Variants in RFX6 observed in about 807,000 individuals in gnomAD.
The protein encoded by RFX6 is DNA-binding protein RFX6.
In RFX6, 50 loss-of-function variants were observed where a neutral mutation model predicts 110.8. The ratio of observed to expected loss-of-function variants is 0.45; its 90% CI spans 0.36 to 0.57. The LOEUF (loss-of-function observed/expected upper bound fraction) is 0.57. Among genes scored for constraint, RFX6 ranks in the 20% least tolerant of loss-of-function variants. The pLI, the probability that RFX6 is intolerant of heterozygous loss-of-function variation, is 0.00. For synonymous variants in RFX6, 383 were observed against 411.2 expected (o/e 0.93, Z 0.83); for missense variants, 990 against 1,127.0 (o/e 0.88, Z 1.74).
Position 116,925,625 on chromosome 6 carries a change from C to G in RFX6, c.1851C>G (p.Phe617Leu). ...PGGLGPALHQ[F>L]PAGNTDNMPL... ...GCCTAGGCCCTGCTCTGCACCAGTTCCCTGCTGGGAACACAGACAACATGC... is the reference window on the plus strand; with the variant it reads ...GCCTAGGCCCTGCTCTGCACCAGTTGCCTGCTGGGAACACAGACAACATGC... Residue 617 changes from phenylalanine to leucine, a missense_variant, in exon 16 of 19, where the codon TTC (phenylalanine) becomes TTG (leucine). Around this residue, in one of 5 missense-constraint regions of RFX6, gnomAD observed 438 missense variants for 441.9 expected, o/e 0.99. Coordinates refer to ENST00000332958, the MANE Select transcript of RFX6 (RefSeq NM_173560.4). 6.2e-7 allele frequency: 1 copy of G among 1,613,888 alleles called. No homozygotes were observed. The highest frequency in any genetic ancestry group is 8.5e-7 in the Non-Finnish European group (1 of 1,179,822).
intron 7 of RFX6, among the ~76,000 whole-genome samples, chr6:116,913,670 T>G (rs905392314): frequency 6.6e-6 from 1 of 152,236 alleles, no homozygotes; most frequent in East Asian, 1.9e-4. Flanking sequence ...TTATGCTAAT[T>G]GTGAGTTTTA....
intron 17 of RFX6, 50 bp downstream of exon 17, chr6:116,927,589 C>CA (rs765426083): frequency 6.9e-7 from 1 of 1,457,306 alleles, no homozygotes; most frequent in Non-Finnish European, 9.5e-7. Context: ...GGCAATGAGG[C>CA]AAAATCAGAC....
chr6:116,900,002 T>C (rs2114677907), intron 6 of RFX6, among the ~76,000 whole-genome samples: 1 of 152,200 alleles, frequency 6.6e-6, no homozygotes, highest in South Asian at 2.1e-4. Context: ...TGATTCACAG[T>C]AGAAAGAAAA....
At chr6:116,917,023 G>A (rs141566428) in intron 9 of RFX6, among the ~76,000 whole-genome samples, 14 of 152,160 alleles carry the variant, frequency 9.2e-5, no homozygotes, top group African/African-American at 2.9e-4. Context: ...AATAATCTGA[G>A]TTGGCAAGAA....
At chr6:116,909,051 T>G (rs1465443179) in intron 6 of RFX6, among the ~76,000 whole-genome samples, 1 of 152,182 alleles carries the variant, frequency 6.6e-6, no homozygotes, top group Non-Finnish European at 1.5e-5. Flanking sequence ...GTCTGTTTCC[T>G]GAATGCTTGA....
intron 4 of RFX6, among the ~76,000 whole-genome samples, chr6:116,890,874 T>C (rs542134515): frequency 1.3e-4 from 20 of 152,320 alleles, no homozygotes; most frequent in South Asian, 1.0e-3. Flanking sequence ...TCTGTCCTAA[T>C]GACTGGGGAC....
In RFX6 at chr6:116,894,107, T is replaced by A. The variant is rs777711667; in HGVS notation, c.644+43T>A. 4 of 993,928 alleles carry A rather than the reference T, an allele frequency of 4.0e-6. No homozygotes were observed. The African/African-American group carries it at 4.8e-5, about 12-fold the overall frequency. The allele number at this position is 993,928 out of a possible 1,614,324, so 61.6% of individuals were successfully genotyped here. ...TCAAGACAAATTCTCTGTGTTTCTTTAAATATGCATGATACCTATTGAATA... is the reference window on the plus strand; with the variant it reads ...TCAAGACAAATTCTCTGTGTTTCTTAAAATATGCATGATACCTATTGAATA... On this transcript the variant is annotated intron_variant, in intron 5 of 18. Coordinates refer to ENST00000332958, the MANE Select transcript of RFX6 (RefSeq NM_173560.4).
intron 4 of RFX6, among the ~76,000 whole-genome samples, chr6:116,891,592 C>A (rs1034298100): frequency 6.6e-6 from 1 of 152,088 alleles, no homozygotes; most frequent in Non-Finnish European, 1.5e-5. Flanking sequence ...TGATTTATTT[C>A]TTCTAATATG....
intron 7 of RFX6, among the ~76,000 whole-genome samples, chr6:116,913,633 G>A (rs1407608195): frequency 2.0e-5 from 3 of 152,188 alleles, no homozygotes; most frequent in South Asian, 2.1e-4. Flanking sequence ...CTAAGACTAT[G>A]TAAGTATTAA....
chr6:116,916,494 T>C lies in RFX6; in HGVS notation c.972+180T>C, dbSNP rs373468250. Among the ~76,000 whole-genome samples, 28 of 152,274 alleles carry C rather than the reference T, an allele frequency of 1.8e-4. No individual in the cohort carries two copies. The East Asian group carries it at 3.5e-3, about 19-fold the overall frequency. ...ACGTTTAATAGTGTATGTGTTTTAA[T>C]TGAAGTTTACATTAAGTAAAACAAA... On this transcript the variant is annotated intron_variant, in intron 9 of 18. Coordinates refer to ENST00000332958, the MANE Select transcript of RFX6 (RefSeq NM_173560.4).
At chr6:116,878,011 T>C in intron 2 of RFX6, 59 bp downstream of exon 2, 7 of 1,509,220 alleles carry the variant, frequency 4.6e-6, no homozygotes, top group South Asian at 4.6e-5. Flanking sequence ...AGCCAGCGTC[T>C]TCAGGATCTT....
chr6:116,905,247 G>GA (rs766088816), intron 6 of RFX6, among the ~76,000 whole-genome samples: 1 of 152,132 alleles, frequency 6.6e-6, no homozygotes, highest in Non-Finnish European at 1.5e-5. Context: ...CAGTGGGTGT[G>GA]ATGTGGTATC....
intron 12 of RFX6, 63 bp downstream of exon 12, chr6:116,920,517 T>G: frequency 7.1e-7 from 1 of 1,402,766 alleles, no homozygotes; most frequent in Non-Finnish European, 1.0e-6. Context: ...CATCTTGAGC[T>G]GGGTAACTCT....
chr6:116,920,211 A>G (rs1775562174), intron 11 of RFX6, 99 bp from the exon 12 acceptor site: 8 of 918,452 alleles, frequency 8.7e-6, no homozygotes, highest in Non-Finnish European at 1.5e-5. Context: ...TATTTATGAT[A>G]CTTTTATCTC....
Position 116,911,007 on chromosome 6 carries a change from C to T in RFX6, c.745C>T (p.His249Tyr). ...TLLPEFPSAQHLVYQGCISKD... is the reference protein window; with the variant it reads ...TLLPEFPSAQYLVYQGCISKD... Reference sequence around the variant, plus strand: ...TCTTCCAGAATTCCCCAGCGCTCAACACCTTGTATACCAAGGATGCATTTC... The same window carrying T: ...TCTTCCAGAATTCCCCAGCGCTCAATACCTTGTATACCAAGGATGCATTTC... Residue 249 changes from histidine (H) to tyrosine (Y), a missense_variant, in exon 7 of 19, where the codon CAC becomes TAC. Transcript: ENST00000332958. 1 of 1,612,902 alleles carries T rather than the reference C, an allele frequency of 6.2e-7. No individual in the cohort carries two copies. Among genetic ancestry groups the T allele is most frequent in the Non-Finnish European group, 8.5e-7 (1 of 1,178,952 alleles).
At chr6:116,900,875 GA>G (rs1276014279) in intron 6 of RFX6, among the ~76,000 whole-genome samples, 1 of 152,102 alleles carries the variant, frequency 6.6e-6, no homozygotes, top group Non-Finnish European at 1.5e-5. Context: ...AAATATATGT[GA>G]AATATGTAAA....
chr6:116,931,205 C>G (rs748678839), intron 18 of RFX6, 126 bp from the exon 19 acceptor site: 20 of 771,148 alleles, frequency 2.6e-5, no homozygotes, highest in Non-Finnish European at 4.4e-5. Flanking sequence ...ACCATACAGA[C>G]TCAAATTTAG....
At chr6:116,903,556 T>G (rs1775123681) in intron 6 of RFX6, among the ~76,000 whole-genome samples, 1 of 151,982 alleles carries the variant, frequency 6.6e-6, no homozygotes, top group East Asian at 1.9e-4. Context: ...CTTCAATCAC[T>G]TTTTCCTCCC....
At chr6:116,903,032 A>C (rs2114680701) in intron 6 of RFX6, among the ~76,000 whole-genome samples, 1 of 152,218 alleles carries the variant, frequency 6.6e-6, no homozygotes, top group Non-Finnish European at 1.5e-5. Context: ...AGGAAAAAAC[A>C]AAACAAACCC....
Sources: allele counts gnomAD v4.1 joint callset (sites outside exome capture counted in the v4.1 genomes callset), GRCh38; gene constraint gnomAD v4.1.1; regional missense constraint gnomAD v4.1.1; transcripts MANE v1.5; gene names NCBI Gene and HGNC (gene_info 2026-07-23, HGNC 2026-07-21).